The following NPAS3 variants were observed in gnomAD, a reference collection of about 807,000 sequenced individuals.
NPAS3 encodes neuronal PAS domain protein 3.
Under a neutral mutation model 73.1 loss-of-function variants are expected in NPAS3, and 14 were observed. The observed-to-expected ratio is 0.19, with a 90% CI of 0.13 to 0.30. The LOEUF (loss-of-function observed/expected upper bound fraction) is 0.30, where lower values mean the gene tolerates loss of function less well. NPAS3 is among the 10% of genes least tolerant of loss of function. The probability of loss-of-function intolerance (pLI) is 1.00; values close to 1 mark genes in which losing one functional copy is unlikely to be tolerated. For missense variants in NPAS3, 1,096 were observed against 1,250.0 expected (o/e 0.88, Z 1.86); for synonymous variants, 620 against 541.5 (o/e 1.14, Z -2.01).
Position 33,668,696 on chromosome 14 carries a change from A to G in NPAS3, c.559-7515A>G, listed in dbSNP as rs187321727. Among the ~76,000 whole-genome samples, 236 of 152,206 alleles carry G rather than the reference A, an allele frequency of 1.6e-3. 3 individuals carry two copies. The Middle Eastern group carries it at 0.017, about 11-fold the overall frequency. ...AGCCAGGCACAGTGGCTCAATACCT[A>G]TAATCCCAACTACTCCAGAGGCTGA... is the stretch of plus-strand genomic sequence containing the variant. On this transcript the variant is annotated intron_variant, in intron 5 of 11. Coordinates refer to ENST00000356141, the Ensembl canonical transcript of NPAS3.
intron 5 of NPAS3, among the ~76,000 whole-genome samples, chr14:33,675,599 C>T (rs1278311323): frequency 2.0e-5 from 3 of 152,172 alleles, no homozygotes; most frequent in Non-Finnish European, 4.4e-5. Context: ...CCCCAGCTGA[C>T]CTCTTTTGTA....
At chr14:32,984,552 T>A (rs1284172108) in intron 1 of NPAS3, among the ~76,000 whole-genome samples, 2 of 152,222 alleles carry the variant, frequency 1.3e-5, no homozygotes, top group African/African-American at 4.8e-5. Context: ...TTTCTTGTGC[T>A]GTATTTTGAA....
intron 5 of NPAS3, among the ~76,000 whole-genome samples, chr14:33,621,188 A>C (rs2058066557): frequency 6.6e-6 from 1 of 152,210 alleles, no homozygotes; most frequent in Non-Finnish European, 1.5e-5. Context: ...GATAAAAAGA[A>C]GAAGCCATAT....
intron 1 of NPAS3, among the ~76,000 whole-genome samples, chr14:33,029,068 G>A (rs1485564842): frequency 1.3e-5 from 2 of 152,152 alleles, no homozygotes; most frequent in African/African-American, 2.4e-5. Context: ...GTCAGAGGGT[G>A]TAAGAGGAGC....
chr14:33,642,895 G>T (rs1044054394), intron 5 of NPAS3, among the ~76,000 whole-genome samples: 3 of 152,234 alleles, frequency 2.0e-5, no homozygotes, highest in Admixed American at 2.0e-4. Flanking sequence ...CAATATTGTG[G>T]CTGCCAAATT....
At chr14:33,057,085 T>C (rs1403913926) in intron 2 of NPAS3, among the ~76,000 whole-genome samples, 2 of 152,154 alleles carry the variant, frequency 1.3e-5, no homozygotes, top group Non-Finnish European at 2.9e-5. Flanking sequence ...AATCAGAAAT[T>C]CTGGTGGCTG....
chr14:33,582,888 T>G (rs189722299), intron 5 of NPAS3, among the ~76,000 whole-genome samples: 41 of 151,916 alleles, frequency 2.7e-4, no homozygotes, highest in Non-Finnish European at 2.9e-5. Context: ...GAAAGGCATT[T>G]AAGTAGACTA....
chr14:33,559,773 C>T (rs1434230434), intron 4 of NPAS3, among the ~76,000 whole-genome samples: 1 of 152,200 alleles, frequency 6.6e-6, no homozygotes, highest in African/African-American at 2.4e-5. Context: ...AATCCCAGCA[C>T]TTTGGGAGGC....
intron 4 of NPAS3, among the ~76,000 whole-genome samples, chr14:33,535,030 A>G (rs764650633): frequency 1.3e-5 from 2 of 152,222 alleles, no homozygotes; most frequent in Admixed American, 6.5e-5. Flanking sequence ...AGAGGATTCA[A>G]TGAAAGATTT....
intron 4 of NPAS3, among the ~76,000 whole-genome samples, chr14:33,400,781 A>G (rs1219298824): frequency 6.6e-6 from 1 of 151,792 alleles, no homozygotes; most frequent in Non-Finnish European, 1.5e-5. Context: ...GCGTGGTGGC[A>G]GTGGTGGTGG....
intron 4 of NPAS3, among the ~76,000 whole-genome samples, chr14:33,449,047 C>A (rs182968050): frequency 9.5e-4 from 144 of 152,306 alleles, no homozygotes; most frequent in Non-Finnish European, 1.5e-3. Flanking sequence ...AATCTCTGGG[C>A]AGACACTCAA....
At chr14:33,582,970 G>GTTTGTTTTTTT (rs1555416780) in intron 5 of NPAS3, among the ~76,000 whole-genome samples, 1 of 93,304 alleles carries the variant, frequency 1.1e-5, no homozygotes, top group Non-Finnish European at 1.8e-5. Flanking sequence ...TATTTAAAGG[G>GTTTGTTTTTTT]TTTTTTTTTT....
intron 4 of NPAS3, among the ~76,000 whole-genome samples, chr14:33,460,988 A>G (rs746881721): frequency 2.0e-5 from 3 of 152,214 alleles, no homozygotes; most frequent in Non-Finnish European, 2.9e-5. Flanking sequence ...CTTGACAACA[A>G]GGACATTTTT....
At chr14:33,646,346 A>T (rs2058828920) in intron 5 of NPAS3, among the ~76,000 whole-genome samples, 1 of 152,258 alleles carries the variant, frequency 6.6e-6, no homozygotes, top group Admixed American at 6.5e-5. Context: ...ACCTTTTCTT[A>T]CATTTTCTTA....
At chr14:33,657,874 G>A (rs371549501) in intron 5 of NPAS3, among the ~76,000 whole-genome samples, 2 of 152,198 alleles carry the variant, frequency 1.3e-5, no homozygotes, top group African/African-American at 2.4e-5. Flanking sequence ...TCTAGGTGAG[G>A]GATGTCAAAT....
intron 2 of NPAS3, among the ~76,000 whole-genome samples, chr14:33,131,944 A>G (rs1286660159): frequency 6.6e-6 from 1 of 152,174 alleles, no homozygotes; most frequent in East Asian, 1.9e-4. Flanking sequence ...TAGGAAAATT[A>G]TAATTGGTGG....
At chr14:33,655,802 C>T (rs1169313790) in intron 5 of NPAS3, among the ~76,000 whole-genome samples, 4 of 152,124 alleles carry the variant, frequency 2.6e-5, no homozygotes, top group Non-Finnish European at 5.9e-5. Context: ...CATATCTCTT[C>T]AAGGTAGTAA....
intron 4 of NPAS3, among the ~76,000 whole-genome samples, chr14:33,543,997 A>C (rs200885987): frequency 0.021 from 1,321 of 61,650 alleles, 33 homozygotes; most frequent in Admixed American, 0.067. Flanking sequence ...ATATATATAT[A>C]TATATCTATA....
chr14:33,686,223 G>A (rs1383123500), intron 6 of NPAS3, among the ~76,000 whole-genome samples: 1 of 152,096 alleles, frequency 6.6e-6, no homozygotes, highest in Non-Finnish European at 1.5e-5. Flanking sequence ...CAGTGGGAGT[G>A]AGCATGCTGC....
Sources: gnomAD v4.1 joint callset for allele counts (sites outside exome capture counted in the v4.1 genomes callset) on GRCh38, gnomAD v4.1.1 for gene constraint, MANE v1.5 for transcripts, NCBI Gene and HGNC (gene_info 2026-07-23, HGNC 2026-07-21) for gene names.